Variants in AFF2 observed in about 807,000 individuals in gnomAD.
AFF2 encodes AF4/FMR2 family member 2.
Under a neutral mutation model 76.9 loss-of-function variants are expected in AFF2, and 14 were observed. That is an observed-to-expected ratio of 0.18 (90% CI 0.12 to 0.28). AFF2 has a LOEUF of 0.28. Ranked by LOEUF, AFF2 falls within the 10% of genes least tolerant of loss-of-function variation. The pLI is 1.00. For missense variants in AFF2, 868 were observed against 1,001.1 expected (o/e 0.87, Z 1.79); for synonymous variants, 398 against 366.7 (o/e 1.09, Z -0.98).
At chrX:148,576,852 AATT>A (rs1557243538) in intron 1 of AFF2, among the ~76,000 whole-genome samples, 2 of 109,987 alleles carry the variant, frequency 1.8e-5, no homozygotes, top group African/African-American at 6.6e-5. Flanking sequence ...TTCATAATAC[AATT>A]ATTTTTATAT....
At chrX:148,604,362 G>T (rs1648528144) in intron 1 of AFF2, among the ~76,000 whole-genome samples, 1 of 112,434 alleles carries the variant, frequency 8.9e-6, no homozygotes, top group Admixed American at 9.4e-5. Flanking sequence ...AAACTAGATG[G>T]TCACTTTCAT....
At chrX:148,564,973 C>T (rs893461484) in intron 1 of AFF2, among the ~76,000 whole-genome samples, 3 of 112,083 alleles carry the variant, frequency 2.7e-5, no homozygotes, top group African/African-American at 9.7e-5. Context: ...GTAGAATTGG[C>T]TGCTCTTTGC....
intron 2 of AFF2, among the ~76,000 whole-genome samples, chrX:148,658,009 T>C (rs149666323): frequency 0.067 from 7,496 of 111,493 alleles, 277 homozygotes; most frequent in Middle Eastern, 0.2. Context: ...GTGGTTCTCA[T>C]ATCTCCATCT....
intron 7 of AFF2, among the ~76,000 whole-genome samples, chrX:148,848,163 C>T (rs2070690124): frequency 9.0e-6 from 1 of 110,724 alleles, no homozygotes; most frequent in African/African-American, 3.3e-5. Context: ...ACACAACATT[C>T]CCACAACCTG....
intron 3 of AFF2, among the ~76,000 whole-genome samples, chrX:148,782,096 C>T (rs781793377): frequency 8.1e-5 from 9 of 111,651 alleles, no homozygotes; most frequent in Non-Finnish European, 1.1e-4. Context: ...GCATTGGTCT[C>T]GCTGGGAGCT....
intron 9 of AFF2, among the ~76,000 whole-genome samples, chrX:148,929,927 G>A (rs1460919520): frequency 8.9e-6 from 1 of 111,816 alleles, no homozygotes; most frequent in Non-Finnish European, 1.9e-5. Flanking sequence ...AGTGTATGCT[G>A]CAGCATCATA....
At chrX:148,752,152 A>G in intron 3 of AFF2, among the ~76,000 whole-genome samples, 1 of 111,024 alleles carries the variant, frequency 9.0e-6, no homozygotes, top group Admixed American at 9.6e-5. Context: ...ATTTCAACAT[A>G]TGAATTTGGG....
rs1406236835 is a variant in AFF2, at chrX:148,565,982, TA to T, written c.47+64839del. ...AGGTATATATAAATATGTGCGTGTA[TA>T]GTTAGAAGTATAAATGAGAAGTACA... On this transcript the variant is annotated intron_variant, in intron 1 of 20. Coordinates refer to ENST00000370460, the MANE Select transcript of AFF2 (RefSeq NM_002025.4). Among the ~76,000 whole-genome samples, 3 of 111,432 alleles carry T rather than the reference TA, an allele frequency of 2.7e-5. No homozygotes were observed. In the East Asian group the frequency reaches 8.4e-4, roughly 31 times the overall value.
intron 3 of AFF2, among the ~76,000 whole-genome samples, chrX:148,729,997 T>G (rs1557264549): frequency 8.9e-6 from 1 of 111,838 alleles, no homozygotes; most frequent in Non-Finnish European, 1.9e-5. Context: ...GTGTGAGTGG[T>G]AGCATATCTG....
chrX:148,536,863 T>A (rs782662487), intron 1 of AFF2, among the ~76,000 whole-genome samples: 1 of 112,205 alleles, frequency 8.9e-6, no homozygotes, highest in South Asian at 3.7e-4. Flanking sequence ...AATAGGTTTT[T>A]TTTTAGAAAA....
chrX:148,511,783 C>T (rs2052485212), intron 1 of AFF2, among the ~76,000 whole-genome samples: 1 of 112,730 alleles, frequency 8.9e-6, no homozygotes, highest in Non-Finnish European at 1.9e-5. Context: ...GTTTCTTGGG[C>T]CCAAAGACCA....
intron 9 of AFF2, among the ~76,000 whole-genome samples, chrX:148,935,704 C>T (rs1291610731): frequency 9.0e-6 from 1 of 111,403 alleles, no homozygotes; most frequent in Non-Finnish European, 1.9e-5. Flanking sequence ...CCTGCCTTGG[C>T]AATTTTGATA....
intron 3 of AFF2, among the ~76,000 whole-genome samples, chrX:148,713,775 T>C (rs1317144840): frequency 1.8e-5 from 2 of 111,274 alleles, no homozygotes; most frequent in Non-Finnish European, 3.8e-5. Flanking sequence ...AGGAAGAGGA[T>C]TGAAAAATTG....
At chrX:148,976,442 A>G (rs1185497651) in intron 16 of AFF2, among the ~76,000 whole-genome samples, 1 of 112,117 alleles carries the variant, frequency 8.9e-6, no homozygotes, top group Non-Finnish European at 1.9e-5. Flanking sequence ...CTTTCTGTAA[A>G]TTACATGTGT....
chrX:148,760,025 G>A (rs2069421837), intron 3 of AFF2, among the ~76,000 whole-genome samples: 2 of 112,048 alleles, frequency 1.8e-5, no homozygotes, highest in African/African-American at 6.5e-5. Context: ...ACCTGAAAGA[G>A]CTTTTTCACT....
intron 1 of AFF2, among the ~76,000 whole-genome samples, chrX:148,512,665 T>C (rs2052494749): frequency 8.9e-6 from 1 of 112,543 alleles, no homozygotes; most frequent in South Asian, 3.6e-4. Context: ...GGGATCTGTC[T>C]GTTAAAATTA....
At chrX:148,707,100 GT>G (rs199936549) in intron 3 of AFF2, among the ~76,000 whole-genome samples, 1,507 of 111,759 alleles carry the variant, frequency 0.013, 26 homozygotes, top group African/African-American at 0.044. Context: ...TTCAGTTTTA[GT>G]TTCATAACAA....
chrX:148,790,086 T>TA (rs1435433379), intron 3 of AFF2, among the ~76,000 whole-genome samples: 1 of 112,086 alleles, frequency 8.9e-6, no homozygotes, highest in Non-Finnish European at 1.9e-5. Context: ...AGTCCATTGA[T>TA]ATGTTGAATT....
chrX:148,573,343 T>C (rs1326756667), intron 1 of AFF2, among the ~76,000 whole-genome samples: 1 of 110,934 alleles, frequency 9.0e-6, no homozygotes, highest in African/African-American at 3.3e-5. Context: ...AGAAGAAACA[T>C]GCAATGAGTG....
Sources: allele counts gnomAD v4.1 joint callset (sites outside exome capture counted in the v4.1 genomes callset), GRCh38; gene constraint gnomAD v4.1.1; transcripts MANE v1.5; gene names NCBI Gene and HGNC (gene_info 2026-07-23, HGNC 2026-07-21).